Variants in THSD7A observed in about 807,000 individuals in gnomAD.
The protein encoded by THSD7A is thrombospondin type-1 domain-containing protein 7A.
THSD7A carries 96 observed loss-of-function variants against 231.3 expected under a neutral mutation model. That is an observed-to-expected ratio of 0.41 (90% CI 0.35 to 0.49). THSD7A has a LOEUF of 0.49. Ranked by LOEUF, THSD7A falls within the 20% of genes least tolerant of loss-of-function variation. The pLI is 0.05. For synonymous variants in THSD7A, 940 were observed against 743.3 expected (o/e 1.26, Z -4.30); for missense variants, 2,290 against 2,070.2 (o/e 1.11, Z -2.06).
intron 6 of THSD7A, among the ~76,000 whole-genome samples, chr7:11,496,125 T>C (rs1427371007): frequency 6.6e-6 from 1 of 152,200 alleles, no homozygotes. Flanking sequence ...AACATGGAAC[T>C]AATAATTGCT....
chr7:11,736,857 T>C (rs1455531035), intron 1 of THSD7A, among the ~76,000 whole-genome samples: 3 of 151,982 alleles, frequency 2.0e-5, no homozygotes, highest in Non-Finnish European at 2.9e-5. Flanking sequence ...CCACCTGTCA[T>C]AGGAAGGATC....
intron 2 of THSD7A, among the ~76,000 whole-genome samples, chr7:11,630,893 G>T (rs1781624815): frequency 6.6e-6 from 1 of 152,202 alleles, no homozygotes; most frequent in Non-Finnish European, 1.5e-5. Flanking sequence ...GCATTCCAGA[G>T]GTGAGGATGC....
At chr7:11,602,610 G>A (rs1780590082) in intron 2 of THSD7A, among the ~76,000 whole-genome samples, 1 of 151,928 alleles carries the variant, frequency 6.6e-6, no homozygotes, top group Non-Finnish European at 1.5e-5. Flanking sequence ...GGGAGAAAAT[G>A]GATTTTTCCT....
intron 4 of THSD7A, among the ~76,000 whole-genome samples, chr7:11,546,723 A>G (rs1789415920): frequency 6.6e-6 from 1 of 152,172 alleles, no homozygotes; most frequent in Non-Finnish European, 1.5e-5. Context: ...CCAGGCTGAA[A>G]AGGCTAAAAT....
intron 23 of THSD7A, chr7:11,385,716 G>GTAAC (rs1458535267): frequency 1.3e-5 from 2 of 151,904 alleles, no homozygotes; most frequent in African/African-American, 2.4e-5. Flanking sequence ...ACTTTCATAA[G>GTAAC]TAACTTTATT....
At chr7:11,685,073 A>G (rs1779988813) in intron 1 of THSD7A, among the ~76,000 whole-genome samples, 1 of 151,902 alleles carries the variant, frequency 6.6e-6, no homozygotes, top group African/African-American at 2.4e-5. Flanking sequence ...AAATTTGCAC[A>G]CCTCCAACTA....
intron 1 of THSD7A, among the ~76,000 whole-genome samples, chr7:11,714,421 T>C (rs973697345): frequency 2.6e-5 from 4 of 151,262 alleles, no homozygotes; most frequent in African/African-American, 9.7e-5. Context: ...ACCTTAACCC[T>C]ATGACACACG....
chr7:11,372,336 C>CTCT lies in THSD7A; in HGVS notation c.*3457_*3458insAGA, dbSNP rs1554296438. 1.4e-5 allele frequency: 2 copies of CTCT among 142,034 alleles called. No individual in the cohort carries two copies. The highest frequency in any genetic ancestry group is 5.2e-5 in the African/African-American group (2 of 38,468). 8.8% of individuals were successfully genotyped at this position (142,034 alleles called of 1,614,324 possible). Reference sequence around the variant, plus strand: ...GTACCTATGTATACAAAAGCCATTACTTTTTTTTTTTTTTTTACAATGCCT... The same window carrying CTCT: ...GTACCTATGTATACAAAAGCCATTACTCTTTTTTTTTTTTTTTTTACAATGCCT... On this transcript the variant is annotated 3_prime_UTR_variant, in exon 28 of 28. Transcript: ENST00000423059.
chr7:11,375,974 C>A (rs2115282128), intron 27 of THSD7A, 96 bp from the exon 28 acceptor site: 1 of 1,136,872 alleles, frequency 8.8e-7, no homozygotes, highest in South Asian at 1.3e-5. Context: ...AATTGATAAA[C>A]TGAAATTGCC....
chr7:11,552,648 C>T (rs1166482554), intron 4 of THSD7A, among the ~76,000 whole-genome samples: 2 of 151,984 alleles, frequency 1.3e-5, no homozygotes, highest in African/African-American at 4.8e-5. Flanking sequence ...TAACAAAGAA[C>T]AGCCTGTAAA....
intron 2 of THSD7A, among the ~76,000 whole-genome samples, chr7:11,607,518 T>A (rs1444257235): frequency 1.3e-5 from 2 of 152,108 alleles, no homozygotes; most frequent in Non-Finnish European, 2.9e-5. Context: ...TCTGATTGTC[T>A]TGTGTTTTCA....
At chr7:11,782,367 T>C (rs13437787) in intron 1 of THSD7A, among the ~76,000 whole-genome samples, 47,420 of 151,972 alleles carry the variant, frequency 0.31, 7,806 homozygotes, top group East Asian at 0.41. Context: ...TATGATGTCG[T>C]TATTGCAAAA....
At chr7:11,549,204 G>A (rs1424691441) in intron 4 of THSD7A, among the ~76,000 whole-genome samples, 1 of 152,156 alleles carries the variant, frequency 6.6e-6, no homozygotes, top group African/African-American at 2.4e-5. Flanking sequence ...ATCATCTCAT[G>A]TCAGTCAGAA....
intron 11 of THSD7A, among the ~76,000 whole-genome samples, chr7:11,449,576 G>A (rs1044308365): frequency 2.2e-4 from 34 of 151,962 alleles, no homozygotes; most frequent in Admixed American, 2.2e-3. Context: ...CTCTAAGCTT[G>A]GAGTTCAAAG....
chr7:11,397,457 C>T lies in THSD7A; in HGVS notation c.4411+4338G>A, dbSNP rs144194797. Reference sequence around the variant, plus strand: ...ACCCAAGACCTAAAACCGTAAAAACCGTAGAAGAAAACCTAGGCAATACTA... The same window carrying T: ...ACCCAAGACCTAAAACCGTAAAAACTGTAGAAGAAAACCTAGGCAATACTA... On this transcript the variant is annotated intron_variant, in intron 23 of 27. Transcript: ENST00000423059. Among the ~76,000 whole-genome samples the T allele has an allele frequency of 2.5e-3, 378 of 152,196 alleles. 2 individuals carry two copies. Among genetic ancestry groups the T allele is most frequent in the African/African-American group, 8.4e-3 (348 of 41,508 alleles).
chr7:11,587,584 A>G (rs1779964252), intron 4 of THSD7A, among the ~76,000 whole-genome samples: 1 of 152,222 alleles, frequency 6.6e-6, no homozygotes, highest in East Asian at 1.9e-4. Context: ...CAAATAGCAT[A>G]CTAAATTGTG....
chr7:11,509,802 A>ACAGAGC (rs1787718853), intron 6 of THSD7A, among the ~76,000 whole-genome samples: 1 of 133,272 alleles, frequency 7.5e-6, no homozygotes, highest in Admixed American at 7.5e-5. Flanking sequence ...AGCCTGGGCG[A>ACAGAGC]CAGAGCCAGA....
chr7:11,460,911 T>C, intron 10 of THSD7A, 146 bp from the exon 11 acceptor site: 1 of 624,182 alleles, frequency 1.6e-6, no homozygotes, highest in Non-Finnish European at 2.8e-6. Flanking sequence ...AATTTAGATC[T>C]CCATCTAGGC....
intron 1 of THSD7A, among the ~76,000 whole-genome samples, chr7:11,728,971 T>A (rs529354632): frequency 2.0e-5 from 3 of 151,958 alleles, no homozygotes; most frequent in East Asian, 3.9e-4. Flanking sequence ...TATTTTCTAA[T>A]TTCTACCTTA....
Sources: allele counts gnomAD v4.1 joint callset (sites outside exome capture counted in the v4.1 genomes callset), GRCh38; gene constraint gnomAD v4.1.1; transcripts MANE v1.5; gene names NCBI Gene and HGNC (gene_info 2026-07-23, HGNC 2026-07-21).